MMACHC: variants seen among roughly 807,000 people sequenced by gnomAD.
MMACHC encodes cyanocobalamin reductase / alkylcobalamin dealkylase.
MMACHC carries 14 observed loss-of-function variants against 17.6 expected under a neutral mutation model. That is an observed-to-expected ratio of 0.80 (90% CI 0.53 to 1.25). The LOEUF (loss-of-function observed/expected upper bound fraction) is 1.25, where lower values mean the gene tolerates loss of function less well. Among genes scored for constraint, MMACHC ranks in the 50% most tolerant of loss-of-function variants. The pLI is 0.00. For missense variants in MMACHC, 392 were observed against 364.5 expected (o/e 1.08, Z -0.62); for synonymous variants, 151 against 142.1 (o/e 1.06, Z -0.45).
Position 45,510,067 on chromosome 1 carries a change from A to C in MMACHC, c.*852A>C, listed in dbSNP as rs1643710635. On this transcript the variant is annotated 3_prime_UTR_variant, in exon 4 of 4. Coordinates refer to ENST00000401061, the MANE Select transcript of MMACHC (RefSeq NM_015506.3). ...ACTCTAGCCTGGGTGACAGTGTGAG[A>C]CTCTGTCTCAAAAAAAAAAAAAAAA... 1 of 145,192 alleles carries C rather than the reference A, an allele frequency of 6.9e-6. No individual in the cohort carries two copies. The highest frequency in any genetic ancestry group is 2.6e-5 in the African/African-American group (1 of 38,376). The allele number at this position is 145,192 out of a possible 1,614,324, so 9.0% of individuals were successfully genotyped here. A position where few individuals can be genotyped will look rare whatever the true frequency, so the allele number is the denominator to read the frequency against.
intron 3 of MMACHC, 96 bp downstream of exon 3, chr1:45,508,460 C>A: frequency 7.1e-7 from 1 of 1,417,800 alleles, no homozygotes; most frequent in Non-Finnish European, 9.7e-7. Flanking sequence ...ATGGATGTGA[C>A]ACAACCCAGA....
rs186082850 is a variant in MMACHC at position 45,511,492 on chromosome 1, C to T, written c.*2277C>T. The T allele has an allele frequency of 5.7e-5, 68 of 1,201,486 alleles. No homozygotes were observed. In the African/African-American group the frequency reaches 9.3e-4, roughly 16 times the overall value. The allele number at this position is 1,201,486 out of a possible 1,614,324, so 74.4% of individuals were successfully genotyped here. ...CATTCTCCTATGGACAAAACCAGTT[C>T]TGCACCTGAACACTCAGATACCAGG... On this transcript the variant is annotated 3_prime_UTR_variant, in exon 4 of 4. Transcript: ENST00000401061.
intron 1 of MMACHC, among the ~76,000 whole-genome samples, chr1:45,505,777 CT>C: frequency 6.6e-6 from 1 of 152,116 alleles, no homozygotes; most frequent in South Asian, 2.1e-4. Context: ...TGGCACGTGC[CT>C]GTAGTCCCAG....
rs756180878 is a variant in MMACHC, at chr1:45,511,441, A to C, written c.*2226A>C. Reference sequence around the variant, plus strand: ...TGCAAGAGAAAGGCACCACTAATTAATAACCTTCTCAATGGTATGCACCAC... The same window carrying C: ...TGCAAGAGAAAGGCACCACTAATTACTAACCTTCTCAATGGTATGCACCAC... On this transcript the variant is annotated 3_prime_UTR_variant, in exon 4 of 4. Coordinates refer to ENST00000401061, the MANE Select transcript of MMACHC (RefSeq NM_015506.3). The C allele has an allele frequency of 2.5e-6, 4 of 1,589,490 alleles. No homozygotes were observed. Among genetic ancestry groups the C allele is most frequent in the Non-Finnish European group, 3.4e-6 (4 of 1,160,270 alleles).
rs757948554 is a variant in MMACHC at position 45,509,093 on chromosome 1, C to G, written c.727C>G (p.Pro243Ala). ...LLGLAQPSEK[P>A]SSPSPDLPFT... ...GGGCTTGGCTCAGCCCTCAGAGAAG[C>G]CTAGTTCTCCCTCCCCGGACCTTCC... Residue 243 changes from proline to alanine, a missense_variant, in exon 4 of 4, where the codon CCT becomes GCT. Physicochemically the swap from Pro to Ala is conservative, Grantham distance 27. Transcript: ENST00000401061. 1.1e-5 allele frequency: 18 copies of G among 1,612,444 alleles called. No individual in the cohort carries two copies. The South Asian group carries it at 2.0e-4, about 18-fold the overall frequency.
In MMACHC at chr1:45,507,492, GA is replaced by G. The variant is rs754736072; in HGVS notation, c.220del (p.Met74CysfsTer2). 1 of 1,614,112 alleles carries G rather than the reference GA, an allele frequency of 6.2e-7. No individual in the cohort carries two copies. Among genetic ancestry groups the G allele is most frequent in the Non-Finnish European group, 8.5e-7 (1 of 1,180,008 alleles). On this transcript the variant is annotated frameshift_variant, in exon 2 of 4. Coordinates refer to ENST00000401061, the MANE Select transcript of MMACHC (RefSeq NM_015506.3). LOFTEE classifies it high-confidence loss of function. ...LKPFLQSCHL[R>X]MLTDPVDQCV... ...CCCTTCTTGCAGAGCTGCCACCTCC[GA>G]ATGCTGACTGACCCAGTGGACCAGT...
In MMACHC at chr1:45,511,311, A is replaced by C; in HGVS notation, c.*2096A>C. On this transcript the variant is annotated 3_prime_UTR_variant, in exon 4 of 4. Transcript: ENST00000401061. ...TCATGGCTGCCCACCGCAGCCTGGC[A>C]CTAAAACAGCCCAGCGCTCACTTCT... 4.4e-6 allele frequency: 7 copies of C among 1,591,462 alleles called. No homozygotes were observed. The highest frequency in any genetic ancestry group is 6.0e-6 in the Non-Finnish European group (7 of 1,167,516).
At chr1:45,502,415 G>A (rs1032706386) in intron 1 of MMACHC, among the ~76,000 whole-genome samples, 5 of 151,998 alleles carry the variant, frequency 3.3e-5, no homozygotes, top group Non-Finnish European at 5.9e-5. Context: ...CTCCAGGCAT[G>A]CACCAACACT....
At position 45,509,335 on chromosome 1, in the gene MMACHC, T is replaced by TG; in HGVS notation, c.*121dup. ...TTGATAATATAGTAGAGATCTTCCA[T>TG]GAAGATAACAAGGCTCAAGGAAGTT... On this transcript the variant is annotated 3_prime_UTR_variant, in exon 4 of 4. Coordinates refer to ENST00000401061, the MANE Select transcript of MMACHC (RefSeq NM_015506.3). 1.6e-6 allele frequency: 2 copies of TG among 1,226,410 alleles called. No homozygotes were observed. The highest frequency in any genetic ancestry group is 2.3e-6 in the Non-Finnish European group (2 of 861,192). The allele number at this position is 1,226,410 out of a possible 1,614,324, so 76.0% of individuals were successfully genotyped here. A position where few individuals can be genotyped will look rare whatever the true frequency, so the allele number is the denominator to read the frequency against.
rs34258482 is a variant in MMACHC, at chr1:45,509,165, C to G, written c.799C>G (p.Arg267Gly). Residue 267 changes from arginine (R) to glycine (G), a missense_variant, in exon 4 of 4, where the codon CGG becomes GGG. Physicochemically the swap from Arg to Gly is moderately radical, Grantham distance 125. Coordinates refer to ENST00000401061, the MANE Select transcript of MMACHC (RefSeq NM_015506.3). ...GAAGCCTGGGAATCCCAGCAGAGCC[C>G]GGAGCTGGCTCAGCCCCAGGGTCTC... ...PKKPGNPSRA[R>G]SWLSPRVSPP... 3.1e-6 allele frequency: 5 copies of G among 1,613,834 alleles called. No individual in the cohort carries two copies. In the Admixed American group the frequency reaches 5.0e-5, roughly 16 times the overall value.
chr1:45,509,078 C>T lies in MMACHC; in HGVS notation c.712C>T (p.Gln238Ter), dbSNP rs757033378. Residue 238 changes from glutamine to a stop codon, truncating the protein, a stop_gained, in exon 4 of 4, where the codon CAG (glutamine) becomes TAG (stop). Coordinates refer to ENST00000401061, the MANE Select transcript of MMACHC (RefSeq NM_015506.3). LOFTEE classifies it low-confidence loss of function (END_TRUNC). The part of the protein sequence containing the change: ...AQRLALLGLA[Q>*]PSEKPSSPSP... ...ACGATTGGCCCTATTGGGCTTGGCT[C>T]AGCCCTCAGAGAAGCCTAGTTCTCC... The T allele has an allele frequency of 2.5e-6, 4 of 1,613,088 alleles. No homozygotes were observed. Among genetic ancestry groups the T allele is most frequent in the Non-Finnish European group, 2.5e-6 (3 of 1,179,536 alleles).
In MMACHC at chr1:45,513,169, A is replaced by T. The variant is rs1643788248; in HGVS notation, c.*3954A>T. ...AAATAAATAAATAAATAAAAATATG[A>T]ACTATATGGATTAACCTCTTCTCTC... On this transcript the variant is annotated 3_prime_UTR_variant, in exon 4 of 4. Coordinates refer to ENST00000401061, the MANE Select transcript of MMACHC (RefSeq NM_015506.3). 6.6e-6 allele frequency: 1 copy of T among 152,180 alleles called. No individual in the cohort carries two copies. 9.4% of individuals were successfully genotyped at this position (152,180 alleles called of 1,614,324 possible). A position where few individuals can be genotyped will look rare whatever the true frequency, so the allele number is the denominator to read the frequency against.
chr1:45,509,921 T>C lies in MMACHC; in HGVS notation c.*706T>C, dbSNP rs2149324535. On this transcript the variant is annotated 3_prime_UTR_variant, in exon 4 of 4. Coordinates refer to ENST00000401061, the MANE Select transcript of MMACHC (RefSeq NM_015506.3). ...AGTGAAACCCCGTCTCTACTAAAAATGCAAAGTTAGCCGGGCATGGTAGCG... is the reference window on the plus strand; with the variant it reads ...AGTGAAACCCCGTCTCTACTAAAAACGCAAAGTTAGCCGGGCATGGTAGCG... 1 of 151,808 alleles carries C rather than the reference T, an allele frequency of 6.6e-6. No homozygotes were observed. The highest frequency in any genetic ancestry group is 2.0e-4 in the East Asian group (1 of 5,062). 9.4% of individuals were successfully genotyped at this position (151,808 alleles called of 1,614,324 possible).
Position 45,511,554 on chromosome 1 carries a change from C to CT in MMACHC, c.*2343dup. ...TGCAATCAGTCTTAGATCATTCACCCTTTTAGTATGAGCTAACCATTTTAC... is the reference window on the plus strand; with the variant it reads ...TGCAATCAGTCTTAGATCATTCACCCTTTTTAGTATGAGCTAACCATTTTAC... On this transcript the variant is annotated 3_prime_UTR_variant, in exon 4 of 4. Coordinates refer to ENST00000401061, the MANE Select transcript of MMACHC (RefSeq NM_015506.3). 1.8e-6 allele frequency: 1 copy of CT among 541,758 alleles called. No individual in the cohort carries two copies. Among genetic ancestry groups the CT allele is most frequent in the South Asian group, 3.4e-5 (1 of 29,660 alleles). The allele number at this position is 541,758 out of a possible 1,614,324, so 33.6% of individuals were successfully genotyped here.
chr1:45,510,744 G>C lies in MMACHC; in HGVS notation c.*1529G>C, dbSNP rs1271056526. ...TCCCATGCAGCCCTTTGAATAGTGT[G>C]TCTAAACAAAAATAGGTGTCCAAGT... is the stretch of plus-strand genomic sequence containing the variant. On this transcript the variant is annotated 3_prime_UTR_variant, in exon 4 of 4. Transcript: ENST00000401061. 6.6e-6 allele frequency: 1 copy of C among 152,224 alleles called. No homozygotes were observed. Among genetic ancestry groups the C allele is most frequent in the Admixed American group, 6.5e-5 (1 of 15,272 alleles). 9.4% of individuals were successfully genotyped at this position (152,224 alleles called of 1,614,324 possible). A position where few individuals can be genotyped will look rare whatever the true frequency, so the allele number is the denominator to read the frequency against.
At chr1:45,505,179 T>G (rs1452139559) in intron 1 of MMACHC, among the ~76,000 whole-genome samples, 1 of 140,782 alleles carries the variant, frequency 7.1e-6, no homozygotes, top group Non-Finnish European at 1.5e-5. Context: ...CCTGGCGCGG[T>G]GACTCACGCC....
intron 1 of MMACHC, among the ~76,000 whole-genome samples, chr1:45,506,209 A>G (rs1643618076): frequency 6.6e-6 from 1 of 152,216 alleles, no homozygotes; most frequent in East Asian, 1.9e-4. Context: ...TTGAGGGTTC[A>G]GGTGGCTTTC....
chr1:45,508,534 C>T (rs897477193), intron 3 of MMACHC, among the ~76,000 whole-genome samples, 170 bp downstream of exon 3: 4 of 152,154 alleles, frequency 2.6e-5, no homozygotes, highest in South Asian at 4.1e-4. Context: ...ACTGGGTACT[C>T]GTGAGATCAG....
chr1:45,510,126 T>C lies in MMACHC; in HGVS notation c.*911T>C, dbSNP rs1643714020. ...CTCAGGTAGGGACTGAATAAACACGTGTAAGGCACTTTGGAAAAATACCTG... is the reference window on the plus strand; with the variant it reads ...CTCAGGTAGGGACTGAATAAACACGCGTAAGGCACTTTGGAAAAATACCTG... On this transcript the variant is annotated 3_prime_UTR_variant, in exon 4 of 4. Coordinates refer to ENST00000401061, the MANE Select transcript of MMACHC (RefSeq NM_015506.3). The C allele has an allele frequency of 6.7e-6, 1 of 150,310 alleles. No homozygotes were observed. The highest frequency in any genetic ancestry group is 2.5e-5 in the African/African-American group (1 of 40,758). The allele number at this position is 150,310 out of a possible 1,614,324, so 9.3% of individuals were successfully genotyped here. A position where few individuals can be genotyped will look rare whatever the true frequency, so the allele number is the denominator to read the frequency against.
Sources: allele counts gnomAD v4.1 joint callset (sites outside exome capture counted in the v4.1 genomes callset), GRCh38; gene constraint gnomAD v4.1.1; transcripts MANE v1.5; gene names NCBI Gene and HGNC (gene_info 2026-07-23, HGNC 2026-07-21).